Variants in ZNF223 observed in about 807,000 individuals in gnomAD.
ZNF223 encodes the protein zinc finger protein 223, also known as Homo sapiens zinc finger protein 223.
A neutral mutation model predicts 12.3 loss-of-function variants in ZNF223; 9 were observed. The ratio of observed to expected loss-of-function variants is 0.73; its 90% CI spans 0.44 to 1.28. ZNF223 has a LOEUF of 1.28. Among genes scored for constraint, ZNF223 ranks in the 50% most tolerant of loss-of-function variants. ZNF223 has a pLI of 0.00. For missense variants in ZNF223, 506 were observed against 579.0 expected (o/e 0.87, Z 1.29); for synonymous variants, 171 against 195.2 (o/e 0.88, Z 1.03).
chr19:44,060,727 A>G (rs369738217), intron 3 of ZNF223, 22 bp from the exon 4 acceptor site: 36 of 1,613,842 alleles, frequency 2.2e-5, no homozygotes, highest in Non-Finnish European at 2.8e-5. Context: ...GGGATTAAGC[A>G]TGTGACTTTT....
chr19:44,059,843 C>T (rs774741767), intron 2 of ZNF223, among the ~76,000 whole-genome samples: 3 of 152,138 alleles, frequency 2.0e-5, no homozygotes, highest in Non-Finnish European at 4.4e-5. Context: ...TCAGAAGGAC[C>T]CTGGTGACCC....
intron 2 of ZNF223, among the ~76,000 whole-genome samples, chr19:44,058,500 A>T (rs764505147): frequency 6.6e-6 from 1 of 152,216 alleles, no homozygotes; most frequent in African/African-American, 2.4e-5. Flanking sequence ...TTATCAAAAT[A>T]AGAAGCTGCT....
intron 4 of ZNF223, 128 bp from the exon 5 acceptor site, chr19:44,065,936 C>G: frequency 6.9e-7 from 1 of 1,439,152 alleles, no homozygotes; most frequent in South Asian, 1.5e-5. Context: ...AAACCAGAAA[C>G]CAGGGTGCAC....
intron 4 of ZNF223, 96 bp downstream of exon 4, chr19:44,060,937 C>A: frequency 1.6e-6 from 2 of 1,212,178 alleles, no homozygotes; most frequent in Non-Finnish European, 2.4e-6. Flanking sequence ...AATGGCCAAA[C>A]ATCTTTGCTG....
chr19:44,062,357 A>G (rs1443480294), intron 4 of ZNF223, among the ~76,000 whole-genome samples: 1 of 152,168 alleles, frequency 6.6e-6, no homozygotes, highest in Non-Finnish European at 1.5e-5. Context: ...TGCAATGCCT[A>G]CCTGTCACTT....
At chr19:44,062,731 T>C (rs1156774497) in intron 4 of ZNF223, among the ~76,000 whole-genome samples, 1 of 152,182 alleles carries the variant, frequency 6.6e-6, no homozygotes, top group Non-Finnish European at 1.5e-5. Context: ...TATTTATATC[T>C]GAGAAGAAAG....
At chr19:44,064,658 A>G (rs1054621963) in intron 4 of ZNF223, among the ~76,000 whole-genome samples, 1 of 152,132 alleles carries the variant, frequency 6.6e-6, no homozygotes, top group Non-Finnish European at 1.5e-5. Flanking sequence ...AACTACCTTC[A>G]CATTCAATAA....
chr19:44,056,585 A>ATTTTTTTTTTT lies in ZNF223; in HGVS notation c.15+1410_15+1420dup, dbSNP rs775187674. Among the ~76,000 whole-genome samples the ATTTTTTTTTTT allele has an allele frequency of 2.8e-4, 20 of 72,158 alleles. 1 individual carries two copies. The highest frequency in any genetic ancestry group is 1.2e-3 in the African/African-American group (18 of 14,896). 47.3% of individuals were successfully genotyped at this position (72,158 alleles called of 152,430 possible). A position where few individuals can be genotyped will look rare whatever the true frequency, so the allele number is the denominator to read the frequency against. The stretch of plus-strand genomic sequence containing the variant: ...TCCTTATGGCATAAAATGCCTCACC[A>ATTTTTTTTTTT]TTTTTTTTTTTTTTTTTTTTTTTTT... On this transcript the variant is annotated intron_variant, in intron 2 of 4. Transcript: ENST00000434772.
At position 44,066,990 on chromosome 19, in the gene ZNF223, G is replaced by C. The variant is rs1976927002; in HGVS notation, c.1162G>C (p.Asp388His). Residue 388 changes from aspartate (D) to histidine (H), a missense_variant, in exon 5 of 5, where the codon GAC becomes CAC. Physicochemically the swap from Asp to His is moderately conservative, Grantham distance 81. Coordinates refer to ENST00000434772, the MANE Select transcript of ZNF223 (RefSeq NM_013361.6). ...GKSYITKSGL[D>H]LHHRAHTGER... is the part of the protein sequence containing the mutation. ...GAGCTACATTACTAAGTCAGGTCTTGACTTGCACCATAGAGCCCACACAGG... is the reference window on the plus strand; with the variant it reads ...GAGCTACATTACTAAGTCAGGTCTTCACTTGCACCATAGAGCCCACACAGG... The C allele has an allele frequency of 6.2e-7, 1 of 1,613,114 alleles. No homozygotes were observed.
chr19:44,052,914 C>G (rs1396878330), intron 1 of ZNF223, among the ~76,000 whole-genome samples: 1 of 152,042 alleles, frequency 6.6e-6, no homozygotes, highest in Non-Finnish European at 1.5e-5. Context: ...TTGTAGTGTA[C>G]TTACTAGATA....
intron 4 of ZNF223, among the ~76,000 whole-genome samples, chr19:44,065,379 C>A (rs1976893909): frequency 1.3e-5 from 2 of 152,122 alleles, no homozygotes; most frequent in South Asian, 4.1e-4. Flanking sequence ...TTACTGCTTT[C>A]CCTTAGAGTT....
intron 2 of ZNF223, among the ~76,000 whole-genome samples, chr19:44,059,180 A>G (rs1976805803): frequency 6.6e-6 from 1 of 152,216 alleles, no homozygotes; most frequent in African/African-American, 2.4e-5. Context: ...CCCCAGTATG[A>G]CATTCATGCG....
At chr19:44,060,703 A>G (rs780687710) in intron 3 of ZNF223, 46 bp from the exon 4 acceptor site, 1 of 1,613,648 alleles carries the variant, frequency 6.2e-7, no homozygotes, top group Non-Finnish European at 8.5e-7. Context: ...CCGTGATATT[A>G]TCTAGAATAT....
Position 44,066,479 on chromosome 19 carries a change from A to C in ZNF223, c.651A>C (p.Leu217Phe). The C allele has an allele frequency of 6.2e-7, 1 of 1,614,254 alleles. No individual in the cohort carries two copies. The highest frequency in any genetic ancestry group is 1.6e-4 in the Middle Eastern group (1 of 6,062). Reference protein sequence around the residue: ...DVCGKEFSQSLHLQTHQRVHT... With the variant: ...DVCGKEFSQSFHLQTHQRVHT... ...GTGGTAAGGAATTCAGTCAGAGTTT[A>C]CATCTGCAAACTCATCAGAGAGTCC... The change falls in exon 5 of 5, where the codon TTA becomes TTC. Residue 217 changes from leucine to phenylalanine, a missense_variant. Leu to Phe is a conservative substitution (Grantham distance 22). Coordinates refer to ENST00000434772, the MANE Select transcript of ZNF223 (RefSeq NM_013361.6).
At chr19:44,057,784 A>G (rs1442648950) in intron 2 of ZNF223, among the ~76,000 whole-genome samples, 1 of 152,256 alleles carries the variant, frequency 6.6e-6, no homozygotes, top group East Asian at 1.9e-4. Flanking sequence ...GACACACTGC[A>G]TAACTGTCTC....
rs758386022 is a variant in ZNF223 at position 44,066,237 on chromosome 19, G to T, written c.409G>T (p.Gly137Ter). 15 of 1,614,070 alleles carry T rather than the reference G, an allele frequency of 9.3e-6. No individual in the cohort carries two copies. The highest frequency in any genetic ancestry group is 1.3e-5 in the Non-Finnish European group (15 of 1,180,034). ...TGATGCCCACTCCCAGGTTGAGGAA[G>T]GACTATCTATAATGCACACAGGACA... The part of the protein sequence containing the change: ...QGDAHSQVEE[G>*]LSIMHTGQKP... The change falls in exon 5 of 5, where the codon GGA becomes TGA. Residue 137 changes from glycine to a stop codon, truncating the protein, a stop_gained. Transcript: ENST00000434772. LOFTEE classifies it low-confidence loss of function (END_TRUNC).
intron 2 of ZNF223, among the ~76,000 whole-genome samples, chr19:44,055,968 AAGAG>A (rs774219846): frequency 9.2e-5 from 14 of 152,268 alleles, no homozygotes; most frequent in Admixed American, 5.2e-4. Context: ...GCTCAAGTGA[AAGAG>A]AGAGACGAGA....
chr19:44,066,540 G>A lies in ZNF223; in HGVS notation c.712G>A (p.Gly238Arg). 1 of 1,614,160 alleles carries A rather than the reference G, an allele frequency of 6.2e-7. No homozygotes were observed. Among genetic ancestry groups the A allele is most frequent in the Non-Finnish European group, 8.5e-7 (1 of 1,180,018 alleles). The change falls in exon 5 of 5, where the codon GGG becomes AGG. Residue 238 changes from glycine (G) to arginine (R), a missense_variant. By Grantham distance (125) the Gly-to-Arg change is moderately radical (BLOSUM62 -2). Transcript: ENST00000434772. Reference protein sequence around the residue: ...GEKPFKCEQCGRGFRCRSALT... With the variant: ...GEKPFKCEQCRRGFRCRSALT... Reference sequence around the variant, plus strand: ...GAAACCTTTCAAATGTGAACAATGTGGGAGAGGCTTCAGATGTAGATCAGC... The same window carrying A: ...GAAACCTTTCAAATGTGAACAATGTAGGAGAGGCTTCAGATGTAGATCAGC...
rs1976937614 is a variant in ZNF223, at chr19:44,067,471, C to T, written c.*194C>T. 14 of 732,376 alleles carry T rather than the reference C, an allele frequency of 1.9e-5. No homozygotes were observed. Among genetic ancestry groups the T allele is most frequent in the Middle Eastern group, 2.8e-4 (1 of 3,546 alleles). 45.4% of individuals were successfully genotyped at this position (732,376 alleles called of 1,614,324 possible). A position where few individuals can be genotyped will look rare whatever the true frequency, so the allele number is the denominator to read the frequency against. ...GATAGTCACCTTTAGTGCTGCAGAA[C>T]AGCAGAACTTCTTCCTCTTATCTAC... On this transcript the variant is annotated 3_prime_UTR_variant, in exon 5 of 5. Transcript: ENST00000434772.
Sources: allele counts gnomAD v4.1 joint callset (sites outside exome capture counted in the v4.1 genomes callset), GRCh38; gene constraint gnomAD v4.1.1; transcripts MANE v1.5; gene names NCBI Gene and HGNC (gene_info 2026-07-23, HGNC 2026-07-21).